Variants in ATXN1 observed in about 807,000 individuals in gnomAD.
ATXN1 encodes ataxin-1.
In ATXN1, 8 loss-of-function variants were observed where a neutral mutation model predicts 56.4. The ratio of observed to expected loss-of-function variants is 0.14; its 90% CI spans 0.08 to 0.26. The LOEUF is 0.26. Among genes scored for constraint, ATXN1 ranks in the 10% least tolerant of loss-of-function variants. The pLI is 1.00. For missense variants in ATXN1, 987 were observed against 1,106.5 expected (o/e 0.89, Z 1.53); for synonymous variants, 514 against 494.6 (o/e 1.04, Z -0.52).
At chr6:16,626,086 G>A (rs1208978531) in intron 3 of ATXN1, among the ~76,000 whole-genome samples, 2 of 151,952 alleles carry the variant, frequency 1.3e-5, no homozygotes, top group African/African-American at 2.4e-5. Context: ...GAAGGAACTG[G>A]GTCTCTTTTA....
In ATXN1 at chr6:16,679,765, C is replaced by T. The variant is rs139499740; in HGVS notation, c.-614-21864G>A. On this transcript the variant is annotated intron_variant, in intron 2 of 7. Transcript: ENST00000436367. ...TAAGTATTGTATCACTACAGTTAAA[C>T]GGGGGGATTAGATAAAGATAAGTAA... Among the ~76,000 whole-genome samples the T allele has an allele frequency of 3.1e-3, 467 of 152,130 alleles. 3 individuals carry two copies. Among genetic ancestry groups the T allele is most frequent in the African/African-American group, 0.01 (428 of 41,478 alleles).
intron 2 of ATXN1, among the ~76,000 whole-genome samples, chr6:16,669,313 A>G (rs1327061713): frequency 6.6e-6 from 1 of 152,116 alleles, no homozygotes; most frequent in Non-Finnish European, 1.5e-5. Context: ...ATAGAATCAC[A>G]CAAGTTTTTG....
intron 6 of ATXN1, among the ~76,000 whole-genome samples, chr6:16,398,684 C>T (rs1390972420): frequency 1.3e-5 from 2 of 152,134 alleles, no homozygotes; most frequent in Admixed American, 1.3e-4. Flanking sequence ...AAAATCCCTG[C>T]CTTTTATCAG....
chr6:16,657,326 T>G (rs984166221), intron 3 of ATXN1, among the ~76,000 whole-genome samples: 1 of 152,200 alleles, frequency 6.6e-6, no homozygotes, highest in Non-Finnish European at 1.5e-5. Flanking sequence ...ATACGTGTGA[T>G]CTGTCGTTGA....
intron 3 of ATXN1, among the ~76,000 whole-genome samples, chr6:16,611,868 T>TC (rs1336463755): frequency 2.2e-5 from 3 of 134,570 alleles, no homozygotes; most frequent in African/African-American, 5.4e-5. Context: ...TTTTTTTTTT[T>TC]TTTTTTTTTG....
intron 6 of ATXN1, among the ~76,000 whole-genome samples, chr6:16,359,254 C>T (rs899992346): frequency 7.2e-5 from 11 of 152,144 alleles, no homozygotes; most frequent in African/African-American, 1.9e-4. Flanking sequence ...GGCTGGGGGC[C>T]GGGCTGCCAG....
intron 2 of ATXN1, among the ~76,000 whole-genome samples, chr6:16,693,440 T>A (rs1581370538): frequency 6.6e-6 from 1 of 152,184 alleles, no homozygotes; most frequent in Admixed American, 6.5e-5. Flanking sequence ...GTGCTATATA[T>A]ACCATGTACA....
At chr6:16,744,813 T>G (rs1180031985) in intron 2 of ATXN1, among the ~76,000 whole-genome samples, 1 of 152,168 alleles carries the variant, frequency 6.6e-6, no homozygotes, top group African/African-American at 2.4e-5. Context: ...AGGTTGGCCC[T>G]GGGTACAAGT....
At chr6:16,473,505 A>C (rs1322149390) in intron 6 of ATXN1, among the ~76,000 whole-genome samples, 1 of 152,230 alleles carries the variant, frequency 6.6e-6, no homozygotes, top group Non-Finnish European at 1.5e-5. Context: ...GAGCCTTTAG[A>C]ACACATTGTT....
chr6:16,453,577 T>TTCATTA (rs1759800006), intron 6 of ATXN1, among the ~76,000 whole-genome samples: 1 of 152,172 alleles, frequency 6.6e-6, no homozygotes. Context: ...AAATATCACT[T>TTCATTA]TCATTATCAT....
intron 4 of ATXN1, among the ~76,000 whole-genome samples, chr6:16,564,273 G>C (rs548195656): frequency 6.6e-6 from 1 of 151,828 alleles, no homozygotes; most frequent in East Asian, 1.9e-4. Flanking sequence ...TAGGTAAGAA[G>C]AGAGAGGAGG....
chr6:16,604,559 T>TCTTCAGA (rs2113783708), intron 3 of ATXN1, among the ~76,000 whole-genome samples: 1 of 150,782 alleles, frequency 6.6e-6, no homozygotes, highest in East Asian at 2.0e-4. Context: ...AAGTTGTTCC[T>TCTTCAGA]CTTCAGACAA....
At chr6:16,736,198 T>C (rs1005967289) in intron 2 of ATXN1, among the ~76,000 whole-genome samples, 3 of 152,364 alleles carry the variant, frequency 2.0e-5, no homozygotes, top group East Asian at 3.9e-4. Flanking sequence ...AGCTTTGATT[T>C]CAGTGTTTAA....
chr6:16,653,819 C>T (rs2237164), intron 3 of ATXN1, among the ~76,000 whole-genome samples: 90,123 of 152,090 alleles, frequency 0.59, 27,473 homozygotes, highest in African/African-American at 0.75. Context: ...ATGCAACCCT[C>T]ATGGCTTGAT....
At chr6:16,685,365 T>C (rs1002280811) in intron 2 of ATXN1, among the ~76,000 whole-genome samples, 4 of 152,110 alleles carry the variant, frequency 2.6e-5, no homozygotes, top group Non-Finnish European at 4.4e-5. Flanking sequence ...GTGTGGAGCA[T>C]TGGGTTTTCC....
rs543218326 is a variant in ATXN1 at position 16,475,842 on chromosome 6, A to G, written c.-161+10130T>C. 2.1e-3 allele frequency among the ~76,000 whole-genome samples: 323 copies of G among 151,428 alleles called. 1 individual carries two copies. Among genetic ancestry groups the G allele is most frequent in the African/African-American group, 7.4e-3 (304 of 41,260 alleles). On this transcript the variant is annotated intron_variant, in intron 6 of 7. Coordinates refer to ENST00000436367, the MANE Select transcript of ATXN1 (RefSeq NM_001128164.2). ...GGTTCCTGCTACTGGACAGAGCCCA[A>G]GGTGTCCCTATCTTCTCCTTAGTCA...
intron 6 of ATXN1, among the ~76,000 whole-genome samples, chr6:16,365,907 T>G (rs1340918160): frequency 6.6e-6 from 1 of 152,226 alleles, no homozygotes; most frequent in Non-Finnish European, 1.5e-5. Context: ...CTGTAATGGG[T>G]CTATTCAGAG....
intron 2 of ATXN1, among the ~76,000 whole-genome samples, chr6:16,687,681 C>T (rs1236157220): frequency 1.3e-5 from 2 of 151,620 alleles, no homozygotes; most frequent in Non-Finnish European, 2.9e-5. Context: ...CACACACACA[C>T]ACACACACAC....
At chr6:16,406,264 T>A (rs1189119605) in intron 6 of ATXN1, among the ~76,000 whole-genome samples, 2 of 152,162 alleles carry the variant, frequency 1.3e-5, no homozygotes, top group East Asian at 3.9e-4. Context: ...TCTAAATTAA[T>A]CATACCAAGG....
Sources: allele counts gnomAD v4.1 joint callset (sites outside exome capture counted in the v4.1 genomes callset), GRCh38; gene constraint gnomAD v4.1.1; transcripts MANE v1.5; gene names NCBI Gene and HGNC (gene_info 2026-07-23, HGNC 2026-07-21).